The following LSAMP variants were observed in gnomAD, a reference collection of about 807,000 sequenced individuals.
LSAMP encodes limbic system associated membrane protein, also known as limbic system-associated membrane protein.
A neutral mutation model predicts 38.6 loss-of-function variants in LSAMP; 7 were observed. That is an observed-to-expected ratio of 0.18 (90% CI 0.10 to 0.34). The LOEUF is 0.34. Among genes scored for constraint, LSAMP ranks in the 10% least tolerant of loss-of-function variants. The pLI is 1.00. For synonymous variants in LSAMP, 154 were observed against 166.8 expected, an observed-to-expected ratio of 0.92 and a Z score of 0.59; for missense variants, 313 against 420.0, an observed-to-expected ratio of 0.75 and a Z score of 2.23.
chr3:116,172,603 T>C (rs886920901), intron 1 of LSAMP, among the ~76,000 whole-genome samples: 2 of 152,134 alleles, frequency 1.3e-5, no homozygotes, highest in Admixed American at 1.3e-4. Flanking sequence ...ATGGTAGCAA[T>C]GTTGTTGAGA....
intron 3 of LSAMP, among the ~76,000 whole-genome samples, chr3:115,855,023 T>C (rs993909810): frequency 3.3e-5 from 5 of 152,170 alleles, no homozygotes; most frequent in African/African-American, 9.7e-5. Context: ...TTAATCTTGG[T>C]TGGGGACAGA....
chr3:116,430,339 T>TA (rs533093313), intron 1 of LSAMP, among the ~76,000 whole-genome samples: 1 of 152,112 alleles, frequency 6.6e-6, no homozygotes, highest in African/African-American at 2.4e-5. Flanking sequence ...AGAATTCCAT[T>TA]AAAAAAATCC....
At chr3:115,842,338 G>A (rs1353073782) in intron 5 of LSAMP, 120 bp downstream of exon 5, 2 of 1,293,320 alleles carry the variant, frequency 1.5e-6, no homozygotes, top group Non-Finnish European at 2.1e-6. Context: ...TAAAAAGGAA[G>A]AGTGTGAGAA....
chr3:115,947,693 A>G (rs1379761669), intron 3 of LSAMP, among the ~76,000 whole-genome samples: 1 of 152,222 alleles, frequency 6.6e-6, no homozygotes, highest in African/African-American at 2.4e-5. Flanking sequence ...TACAAAAATA[A>G]TTCATAAATT....
chr3:116,073,175 A>G (rs566861041), intron 2 of LSAMP, among the ~76,000 whole-genome samples: 21 of 152,250 alleles, frequency 1.4e-4, no homozygotes, highest in African/African-American at 3.6e-4. Flanking sequence ...TCCTTTCTCC[A>G]TTGCTTGTTT....
chr3:116,426,213 G>A (rs2107863468), intron 1 of LSAMP, among the ~76,000 whole-genome samples: 1 of 152,190 alleles, frequency 6.6e-6, no homozygotes, highest in East Asian at 1.9e-4. Context: ...GAGGCCGGGC[G>A]CCATGGCTAA....
intron 2 of LSAMP, among the ~76,000 whole-genome samples, chr3:116,039,427 C>A (rs756842304): frequency 7.2e-5 from 11 of 152,210 alleles, no homozygotes; most frequent in African/African-American, 2.7e-4. Flanking sequence ...TGTGAGAGTA[C>A]ATTTAAAAGC....
chr3:115,823,900 G>A (rs1934326484), intron 6 of LSAMP, among the ~76,000 whole-genome samples: 1 of 152,080 alleles, frequency 6.6e-6, no homozygotes, highest in African/African-American at 2.4e-5. Context: ...TGATGTACTG[G>A]GTATTGTCGT....
chr3:115,916,814 T>C (rs1937261552), intron 3 of LSAMP, among the ~76,000 whole-genome samples: 1 of 152,220 alleles, frequency 6.6e-6, no homozygotes, highest in Non-Finnish European at 1.5e-5. Context: ...TATTCAAGTC[T>C]ATCTCTCTAT....
intron 3 of LSAMP, among the ~76,000 whole-genome samples, chr3:115,924,846 G>C (rs1243891063): frequency 2.6e-5 from 4 of 152,146 alleles, no homozygotes; most frequent in African/African-American, 9.7e-5. Context: ...TTCTCCCTTA[G>C]TACTACAGTG....
At position 115,995,434 on chromosome 3, in the gene LSAMP, G is replaced by T. The variant is rs550249498; in HGVS notation, c.514+24081C>A. ...TGGCACACTGATAGAAGCCACTCAGGGAATATTTGTTGATGATGATGATGA... is the reference window on the plus strand; with the variant it reads ...TGGCACACTGATAGAAGCCACTCAGTGAATATTTGTTGATGATGATGATGA... On this transcript the variant is annotated intron_variant, in intron 3 of 6. Coordinates refer to ENST00000490035, the MANE Select transcript of LSAMP (RefSeq NM_002338.5). Among the ~76,000 whole-genome samples, 97 of 152,046 alleles carry T rather than the reference G, an allele frequency of 6.4e-4. 1 individual carries two copies. The highest frequency in any genetic ancestry group is 1.5e-3 in the South Asian group (7 of 4,812).
intron 1 of LSAMP, among the ~76,000 whole-genome samples, chr3:116,428,398 C>A (rs984680475): frequency 2.6e-5 from 4 of 152,058 alleles, no homozygotes; most frequent in African/African-American, 9.7e-5. Context: ...GGGGCGGTTG[C>A]AGTAAGCTGA....
intron 1 of LSAMP, among the ~76,000 whole-genome samples, chr3:116,213,701 T>C (rs1239612254): frequency 2.0e-5 from 3 of 152,206 alleles, no homozygotes; most frequent in Non-Finnish European, 4.4e-5. Context: ...GTGGTATATA[T>C]ACATACAATG....
chr3:116,283,830 A>C (rs1444388762), intron 1 of LSAMP, among the ~76,000 whole-genome samples: 1 of 151,984 alleles, frequency 6.6e-6, no homozygotes, highest in Admixed American at 6.6e-5. Context: ...ACATGGCAAA[A>C]CCCCATTTCT....
intron 1 of LSAMP, among the ~76,000 whole-genome samples, chr3:116,392,210 G>A (rs1033870461): frequency 2.0e-5 from 3 of 152,206 alleles, no homozygotes; most frequent in African/African-American, 7.2e-5. Flanking sequence ...CCCATTTTGA[G>A]TTGGTGGAGT....
intron 1 of LSAMP, among the ~76,000 whole-genome samples, chr3:116,354,261 C>T (rs951484160): frequency 2.6e-5 from 4 of 152,278 alleles, no homozygotes; most frequent in African/African-American, 7.2e-5. Context: ...GAATCAAAAT[C>T]CAAAGCAGGT....
chr3:115,859,089 A>G (rs184503403), intron 3 of LSAMP, among the ~76,000 whole-genome samples: 12 of 152,314 alleles, frequency 7.9e-5, no homozygotes, highest in Non-Finnish European at 1.8e-4. Flanking sequence ...ATTTCCAGCC[A>G]TGTGTCTCTC....
intron 3 of LSAMP, among the ~76,000 whole-genome samples, chr3:116,014,822 A>C (rs1274169938): frequency 6.6e-6 from 1 of 152,194 alleles, no homozygotes; most frequent in Non-Finnish European, 1.5e-5. Context: ...TAAATAAATG[A>C]GTTCAGTTTA....
intron 1 of LSAMP, among the ~76,000 whole-genome samples, chr3:116,414,915 A>G (rs766976373): frequency 1.3e-5 from 2 of 151,980 alleles, no homozygotes; most frequent in African/African-American, 2.4e-5. Flanking sequence ...GCTTGCTCCC[A>G]AGCCTGAGCA....
Sources: gnomAD v4.1 joint callset for allele counts (sites outside exome capture counted in the v4.1 genomes callset) on GRCh38, gnomAD v4.1.1 for gene constraint, MANE v1.5 for transcripts, NCBI Gene and HGNC (gene_info 2026-07-23, HGNC 2026-07-21) for gene names.